The following TEX11 variants were observed in gnomAD, a reference collection of about 807,000 sequenced individuals.
TEX11 encodes the protein testis expressed 11, also known as testis-expressed protein 11.
TEX11 carries 7 observed loss-of-function variants against 84.4 expected under a neutral mutation model. The observed-to-expected ratio is 0.08, with a 90% CI of 0.05 to 0.16. The LOEUF (loss-of-function observed/expected upper bound fraction) is 0.16. Ranked by LOEUF, TEX11 falls within the 10% of genes least tolerant of loss-of-function variation. The pLI, the probability that TEX11 is intolerant of heterozygous loss-of-function variation, is 1.00. For synonymous variants in TEX11, 264 were observed against 222.8 expected (o/e 1.18, Z -1.64); for missense variants, 551 against 660.5 (o/e 0.83, Z 1.82).
chrX:70,776,080 C>A (rs189383038), intron 9 of TEX11, among the ~76,000 whole-genome samples: 2 of 107,076 alleles, frequency 1.9e-5, no homozygotes, highest in African/African-American at 6.7e-5. Flanking sequence ...TATAATAGAA[C>A]TATATATGAT....
chrX:70,582,808 C>T (rs1351058288), intron 25 of TEX11, among the ~76,000 whole-genome samples: 1 of 107,589 alleles, frequency 9.3e-6, no homozygotes, highest in Admixed American at 1.0e-4. Flanking sequence ...TGCAGTGGCA[C>T]AATCTTGGCT....
chrX:70,867,174 G>C (rs2091603787), intron 4 of TEX11, among the ~76,000 whole-genome samples: 1 of 111,883 alleles, frequency 8.9e-6, no homozygotes, highest in African/African-American at 3.2e-5. Flanking sequence ...CTTCAGCAAA[G>C]TCTCAGGATA....
At chrX:70,802,600 G>C in intron 9 of TEX11, among the ~76,000 whole-genome samples, 1 of 111,361 alleles carries the variant, frequency 9.0e-6, no homozygotes, top group South Asian at 3.8e-4. Context: ...CTTCTCAAGT[G>C]TTTATCAGCC....
At chrX:70,902,944 A>G (rs2091811173) in intron 2 of TEX11, among the ~76,000 whole-genome samples, 1 of 112,019 alleles carries the variant, frequency 8.9e-6, no homozygotes, top group Non-Finnish European at 1.9e-5. Context: ...TAACATTATT[A>G]ATTTTACTTT....
intron 8 of TEX11, among the ~76,000 whole-genome samples, chrX:70,810,640 T>A (rs1310362409): frequency 1.8e-5 from 2 of 110,003 alleles, no homozygotes; most frequent in Non-Finnish European, 3.8e-5. Context: ...CTGGGGCCTG[T>A]TGAGGGGTGA....
chrX:70,627,310 G>T (rs2089460894), intron 18 of TEX11, among the ~76,000 whole-genome samples: 1 of 112,202 alleles, frequency 8.9e-6, no homozygotes, highest in Admixed American at 9.5e-5. Flanking sequence ...TTTGATATGG[G>T]ATAAATGAGC....
intron 26 of TEX11, among the ~76,000 whole-genome samples, chrX:70,553,956 T>C (rs1287683138): frequency 9.0e-6 from 1 of 111,672 alleles, no homozygotes; most frequent in East Asian, 2.8e-4. Context: ...CCATAAAGTA[T>C]ATATCATCTG....
intron 20 of TEX11, among the ~76,000 whole-genome samples, chrX:70,622,280 G>A (rs1428831346): frequency 8.9e-6 from 1 of 112,140 alleles, no homozygotes; most frequent in Admixed American, 9.4e-5. Context: ...GTTAAATCAG[G>A]TTCTAACCTC....
intron 28 of TEX11, among the ~76,000 whole-genome samples, chrX:70,536,515 G>A (rs935744193): frequency 1.1e-4 from 12 of 111,296 alleles, no homozygotes; most frequent in Non-Finnish European, 1.9e-4. Context: ...ATGCTATAAC[G>A]CCCCTCAGTT....
At chrX:70,535,921 G>T (rs2087952180) in intron 28 of TEX11, among the ~76,000 whole-genome samples, 1 of 110,368 alleles carries the variant, frequency 9.1e-6, no homozygotes, top group South Asian at 3.9e-4. Context: ...ATGTTTTGTG[G>T]TATCTTGTGC....
At chrX:70,671,379 A>G (rs1321764699) in intron 15 of TEX11, among the ~76,000 whole-genome samples, 4 of 111,551 alleles carry the variant, frequency 3.6e-5, no homozygotes, top group African/African-American at 1.3e-4. Context: ...CTCTTCAACT[A>G]GAAACAATTA....
Position 70,906,492 on chromosome X carries a change from A to G in TEX11, c.37+1261T>C, listed in dbSNP as rs933777865. 2.7e-5 allele frequency among the ~76,000 whole-genome samples: 3 copies of G among 111,111 alleles called. No homozygotes were observed. The Admixed American group carries it at 2.9e-4, about 11-fold the overall frequency. ...AGCAGGCTTTATTGTTATTGTTTTA[A>G]AATAACAAATATTGGCCTGGCATGG... is the stretch of plus-strand genomic sequence containing the variant. On this transcript the variant is annotated intron_variant, in intron 2 of 29. Coordinates refer to ENST00000374333, the MANE Select transcript of TEX11 (RefSeq NM_031276.3).
intron 8 of TEX11, among the ~76,000 whole-genome samples, chrX:70,832,172 T>A (rs1313241758): frequency 9.0e-6 from 1 of 111,495 alleles, no homozygotes; most frequent in African/African-American, 3.3e-5. Context: ...CACAACCTGT[T>A]CTAATCATGA....
Position 70,748,049 on chromosome X carries a change from GA to G in TEX11, c.693-3831del, listed in dbSNP as rs377653265. The stretch of plus-strand genomic sequence containing the variant: ...ACGATACAAATCTGAGGAACAAACA[GA>G]AAAAAAAATGAAGAAAAATGAACAT... On this transcript the variant is annotated intron_variant, in intron 9 of 29. Transcript: ENST00000374333. 2.9e-3 allele frequency among the ~76,000 whole-genome samples: 303 copies of G among 105,852 alleles called. 3 individuals are homozygous for G. The highest frequency in any genetic ancestry group is 9.4e-3 in the African/African-American group (276 of 29,263). 91.9% of individuals were successfully genotyped at this position (105,852 alleles called of 115,157 possible). A position where few individuals can be genotyped will look rare whatever the true frequency, so the allele number is the denominator to read the frequency against.
intron 17 of TEX11, among the ~76,000 whole-genome samples, chrX:70,643,996 G>T (rs1441736974): frequency 4.9e-5 from 5 of 102,831 alleles, no homozygotes; most frequent in African/African-American, 1.4e-4. Flanking sequence ...CCTACAAAAT[G>T]GGAGAAAATT....
chrX:70,719,675 A>G (rs1398062034), intron 13 of TEX11, among the ~76,000 whole-genome samples: 1 of 112,170 alleles, frequency 8.9e-6, no homozygotes, highest in Non-Finnish European at 1.9e-5. Flanking sequence ...AATTTACAAG[A>G]AAAAACAAAC....
At chrX:70,675,597 TTTCTC>T (rs977248184) in intron 15 of TEX11, among the ~76,000 whole-genome samples, 27 of 109,204 alleles carry the variant, frequency 2.5e-4, no homozygotes, top group African/African-American at 9.0e-4. Flanking sequence ...TCTCTTCTCG[TTTCTC>T]TTCTCTTCTC....
At chrX:70,597,304 G>A (rs992974960) in intron 24 of TEX11, among the ~76,000 whole-genome samples, 1 of 111,494 alleles carries the variant, frequency 9.0e-6, no homozygotes, top group African/African-American at 3.3e-5. Context: ...AAATTCCAGG[G>A]ACCTAGAATA....
chrX:70,834,895 A>G (rs1256885026), intron 7 of TEX11, among the ~76,000 whole-genome samples: 2 of 111,458 alleles, frequency 1.8e-5, no homozygotes, highest in Admixed American at 1.9e-4. Flanking sequence ...TTGTGCTTTG[A>G]ATAATAAAAG....
Sources: allele counts gnomAD v4.1 joint callset (sites outside exome capture counted in the v4.1 genomes callset), GRCh38; gene constraint gnomAD v4.1.1; transcripts MANE v1.5; gene names NCBI Gene and HGNC (gene_info 2026-07-23, HGNC 2026-07-21).